The following MAMSTR variants were observed in gnomAD, a reference collection of about 807,000 sequenced individuals.
MAMSTR encodes MEF2 activating motif and SAP domain containing transcriptional regulator, also known as MEF2-activating motif and SAP domain-containing transcriptional regulator.
A neutral mutation model predicts 42.7 loss-of-function variants in MAMSTR; 41 were observed. The observed-to-expected ratio is 0.96, with a 90% confidence interval of 0.75 to 1.25. MAMSTR has a LOEUF of 1.25. Among genes scored for constraint, MAMSTR ranks in the 50% most tolerant of loss-of-function variants. The pLI, the probability that MAMSTR is intolerant of heterozygous loss-of-function variation, is 0.00. For missense variants in MAMSTR, 567 were observed against 557.6 expected (o/e 1.02, Z -0.17); for synonymous variants, 265 against 244.1 (o/e 1.09, Z -0.80).
downstream of MAMSTR, among the ~76,000 whole-genome samples, chr19:48,711,274 C>T (rs754013116): frequency 8.5e-5 from 13 of 152,114 alleles, no homozygotes; most frequent in Non-Finnish European, 1.8e-4. Flanking sequence ...CTAGTTATCC[C>T]GGGGGAGAGG....
chr19:48,713,993 G>A lies in MAMSTR; in HGVS notation c.776C>T (p.Thr259Ile). 2 of 1,612,230 alleles carry A rather than the reference G, an allele frequency of 1.2e-6. No homozygotes were observed. The highest frequency in any genetic ancestry group is 1.7e-6 in the Non-Finnish European group (2 of 1,179,364). Residue 259 changes from threonine (T) to isoleucine (I), a missense_variant, in exon 8 of 10, where the codon ACC becomes ATC. Thr to Ile is a moderately conservative substitution (Grantham distance 89, BLOSUM62 -1). Coordinates refer to ENST00000318083, the MANE Select transcript of MAMSTR (RefSeq NM_001130915.2). Reference sequence around the variant, plus strand: ...AGTTGGAGCCGGAGCCGTCCCCGGGGTATCCGCGGCACGTGGAAGAGGTGG... The same window carrying A: ...AGTTGGAGCCGGAGCCGTCCCCGGGATATCCGCGGCACGTGGAAGAGGTGG... ...HRPPLPRAAD[T>I]PGTAPAPTPT...
At position 48,714,044 on chromosome 19, in the gene MAMSTR, A is replaced by C. The variant is rs1601247853; in HGVS notation, c.725T>G (p.Val242Gly). 2.5e-6 allele frequency: 4 copies of C among 1,579,208 alleles called. No individual in the cohort carries two copies. Among genetic ancestry groups the C allele is most frequent in the Non-Finnish European group, 2.6e-6 (3 of 1,163,006 alleles). The change falls in exon 8 of 10, where the codon GTC (valine) becomes GGC (glycine). Residue 242 changes from valine (V) to glycine (G), a missense_variant and splice_region_variant. Val to Gly is a moderately radical substitution (Grantham distance 109). Transcript: ENST00000318083. ...CCTGTGAGATGCTGCGCTGGGCTTG[A>C]CCTAGAGCAGCCAAGAGGGCGAGCG... Reference protein sequence around the residue: ...ALAAARRQGSVKPSAASHRPP... With the variant: ...ALAAARRQGSGKPSAASHRPP...
chr19:48,716,034 CAG>C, intron 3 of MAMSTR: 2 of 1,106,766 alleles, frequency 1.8e-6, no homozygotes, highest in East Asian at 4.4e-5. Context: ...TTTGCTAGGA[CAG>C]GGGTGGGGCC....
At position 48,714,807 on chromosome 19, in the gene MAMSTR, G is replaced by A; in HGVS notation, c.527C>T (p.Thr176Met). 6.2e-7 allele frequency: 1 copy of A among 1,604,082 alleles called. No homozygotes were observed. Among genetic ancestry groups the A allele is most frequent in the Non-Finnish European group, 8.5e-7 (1 of 1,170,726 alleles). Residue 176 changes from threonine to methionine, a missense_variant and splice_region_variant, in exon 6 of 10, where the codon ACG (threonine) becomes ATG (methionine). Physicochemically the swap from Thr to Met is moderately conservative, Grantham distance 81. Coordinates refer to ENST00000318083, the MANE Select transcript of MAMSTR (RefSeq NM_001130915.2). Reference protein sequence around the residue: ...ELQTLKLEELTVSELRQQLRL... With the variant: ...ELQTLKLEELMVSELRQQLRL... The stretch of plus-strand genomic sequence containing the variant: ...TGGAAAGTTACACCCCAAACTCACC[G>A]TCAGCTCCTCCAGTTTAAGGGTCTG...
downstream of MAMSTR, among the ~76,000 whole-genome samples, chr19:48,707,879 G>GAAAGA (rs1568464041): frequency 1.8e-5 from 2 of 109,480 alleles, no homozygotes; most frequent in African/African-American, 7.8e-5. Context: ...AAGAAAGAAA[G>GAAAGA]AAAGAAAGAA....
downstream of MAMSTR, among the ~76,000 whole-genome samples, chr19:48,709,354 G>A (rs1274120779): frequency 6.6e-6 from 1 of 152,014 alleles, no homozygotes; most frequent in South Asian, 2.1e-4. Context: ...CTCCATGTTG[G>A]TCAGGCTGGT....
chr19:48,711,700 G>A (rs1435449556), downstream of MAMSTR, among the ~76,000 whole-genome samples: 5 of 142,658 alleles, frequency 3.5e-5, no homozygotes, highest in South Asian at 2.2e-4. Flanking sequence ...GGTCTCTCAC[G>A]TAGCTGGGAT....
chr19:48,707,631 C>T, the MAMSTR span, among the ~76,000 whole-genome samples: 1 of 151,332 alleles, frequency 6.6e-6, no homozygotes, highest in African/African-American at 2.4e-5. Flanking sequence ...ATCCCAGCTA[C>T]TCGGGAGGCT....
At position 48,714,375 on chromosome 19, in the gene MAMSTR, A is replaced by G. The variant is rs902641260; in HGVS notation, c.714T>C (p.Arg238=). 5.1e-6 allele frequency: 7 copies of G among 1,362,942 alleles called. No individual in the cohort carries two copies. The highest frequency in any genetic ancestry group is 7.3e-5 in the Admixed American group (2 of 27,248). The allele number at this position is 1,362,942 out of a possible 1,614,324, so 84.4% of individuals were successfully genotyped here. A position where few individuals can be genotyped will look rare whatever the true frequency, so the allele number is the denominator to read the frequency against. ...ATAGCCCCGCCCTCACCGAGCCCTGACGCCGGGCGGCTGCCAGGGCCTTGG... is the reference window on the plus strand; with the variant it reads ...ATAGCCCCGCCCTCACCGAGCCCTGGCGCCGGGCGGCTGCCAGGGCCTTGG... ...LKPKALAAAR[R]QGSVKPSAAS... Residue 238 remains arginine, a synonymous_variant, in exon 7 of 10, where the codon CGT becomes CGC. Transcript: ENST00000318083.
rs1018418402 is a variant in MAMSTR, at chr19:48,714,451, T to C, written c.638A>G (p.Lys213Arg). 6 of 1,359,730 alleles carry C rather than the reference T, an allele frequency of 4.4e-6. No individual in the cohort carries two copies. Among genetic ancestry groups the C allele is most frequent in the Non-Finnish European group, 5.6e-6 (6 of 1,067,436 alleles). 84.2% of individuals were successfully genotyped at this position (1,359,730 alleles called of 1,614,324 possible). Residue 213 changes from lysine to arginine, a missense_variant, in exon 7 of 10, where the codon AAG (lysine) becomes AGG (arginine). Transcript: ENST00000318083. ...CGCGGGACTGTCCTCGCGCCGCGGCTTCGGCCGCTCGCGGGGCGGCGCGCC... is the reference window on the plus strand; with the variant it reads ...CGCGGGACTGTCCTCGCGCCGCGGCCTCGGCCGCTCGCGGGGCGGCGCGCC... ...RGGAPPRERP[K>R]PRREDSPAGA...
Position 48,719,045 on chromosome 19 carries a change from A to T in MAMSTR, c.-14T>A, listed in dbSNP as rs973183356. On this transcript the variant is annotated 5_prime_UTR_variant, in exon 2 of 10. Coordinates refer to ENST00000318083, the MANE Select transcript of MAMSTR (RefSeq NM_001130915.2). This position sits in a 1 kb window ranked among gnomAD's most constrained non-coding sequence, Gnocchi z 4.4. ...CGCCAGGGTCATTGCCAAGGCCGGGATGGGGACCTGGACGGAGAGGGGGCA... is the reference window on the plus strand; with the variant it reads ...CGCCAGGGTCATTGCCAAGGCCGGGTTGGGGACCTGGACGGAGAGGGGGCA... 3.2e-6 allele frequency: 5 copies of T among 1,550,628 alleles called. No homozygotes were observed. In the African/African-American group the frequency reaches 4.1e-5, roughly 13 times the overall value.
In MAMSTR at chr19:48,715,346, G is replaced by A. The variant is rs774047970; in HGVS notation, c.341C>T (p.Ala114Val). The change falls in exon 5 of 10, where the codon GCG (alanine) becomes GTG (valine). Residue 114 changes from alanine to valine, a missense_variant. Transcript: ENST00000318083. The stretch of plus-strand genomic sequence containing the variant: ...GGCGGACCCCTCGGCTTGGGGGTCC[G>A]CCCTGGATCCCTGTCTCGGCTCTGG... ...MPPEPRQGSRADPQAEGSALG... is the reference protein window; with the variant it reads ...MPPEPRQGSRVDPQAEGSALG... The A allele has an allele frequency of 6.4e-7, 1 of 1,554,364 alleles. No individual in the cohort carries two copies. The highest frequency in any genetic ancestry group is 8.6e-7 in the Non-Finnish European group (1 of 1,158,344).
At chr19:48,717,080 G>T (rs2033072842) in intron 2 of MAMSTR, 1 of 743,246 alleles carries the variant, frequency 1.3e-6, no homozygotes, top group Non-Finnish European at 1.7e-6. Flanking sequence ...TGGCAGCCTG[G>T]CCCCTTTGCA....
Position 48,713,171 on chromosome 19 carries a change from G to T in MAMSTR, c.*96C>A. 8.2e-7 allele frequency: 1 copy of T among 1,217,084 alleles called. No individual in the cohort carries two copies. The highest frequency in any genetic ancestry group is 1.1e-6 in the Non-Finnish European group (1 of 895,822). 75.4% of individuals were successfully genotyped at this position (1,217,084 alleles called of 1,614,324 possible). A position where few individuals can be genotyped will look rare whatever the true frequency, so the allele number is the denominator to read the frequency against. On this transcript the variant is annotated 3_prime_UTR_variant, in exon 10 of 10. Transcript: ENST00000318083. ...GGAGGTTGTCTCCGATCCTGTGTCT[G>T]CGGTAGGAGGGGCTCTGCTGGTAGT... is the stretch of plus-strand genomic sequence containing the variant.
chr19:48,711,750 T>TG (rs2032730377), downstream of MAMSTR, among the ~76,000 whole-genome samples: 2 of 139,554 alleles, frequency 1.4e-5, no homozygotes, highest in Non-Finnish European at 3.1e-5. Flanking sequence ...TTTTTTTTTT[T>TG]TTTTTTTTTT....
chr19:48,713,428 A>G lies in MAMSTR; in HGVS notation c.1087T>C (p.Ser363Pro). The G allele has an allele frequency of 6.2e-7, 1 of 1,613,048 alleles. No individual in the cohort carries two copies. The highest frequency in any genetic ancestry group is 8.5e-7 in the Non-Finnish European group (1 of 1,179,690). Residue 363 changes from serine (S) to proline (P), a missense_variant, in exon 10 of 10, where the codon TCC becomes CCC. Ser to Pro is a moderately conservative substitution (Grantham distance 74). Coordinates refer to ENST00000318083, the MANE Select transcript of MAMSTR (RefSeq NM_001130915.2). ...SSLPSPTNSS[S>P]PSPRDPTDSL... ...TCCGTGGGGTCCCTGGGAGAAGGGGAGGAGGAGTTCGTGGGAGACGGGAGT... is the reference window on the plus strand; with the variant it reads ...TCCGTGGGGTCCCTGGGAGAAGGGGGGGAGGAGTTCGTGGGAGACGGGAGT...
chr19:48,714,706 CCGATCTCCT>C, intron 6 of MAMSTR, 91 bp downstream of exon 6: 1 of 1,274,752 alleles, frequency 7.8e-7, no homozygotes, highest in Non-Finnish European at 1.1e-6. Context: ...GACTGGGTAC[CCGATCTCCT>C]GGATTTCCAG....
rs56736082 is a variant in MAMSTR at position 48,718,825 on chromosome 19, G to A, written c.58+149C>T. 3.5e-3 allele frequency: 2,578 copies of A among 740,606 alleles called. 48 individuals are homozygous for A. In the African/African-American group the frequency reaches 0.037, roughly 11 times the overall value. The allele number at this position is 740,606 out of a possible 1,614,324, so 45.9% of individuals were successfully genotyped here. On this transcript the variant is annotated intron_variant, in intron 2 of 9. Transcript: ENST00000318083. ...GCACACTCGTTGATCCACCACAGCC[G>A]GACCCCTGTGCTTGGGCCTCCTTTA...
At chr19:48,716,627 A>G (rs2122345219) in intron 3 of MAMSTR, 78 bp downstream of exon 3, 1 of 1,290,648 alleles carries the variant, frequency 7.7e-7, no homozygotes, top group Non-Finnish European at 1.0e-6. Flanking sequence ...AATGAGGGGT[A>G]TCTGGCAGCT....
Sources: allele counts gnomAD v4.1 joint callset (sites outside exome capture counted in the v4.1 genomes callset), GRCh38; gene constraint gnomAD v4.1.1; non-coding constraint Gnocchi (gnomAD v3.1); transcripts MANE v1.5; gene names NCBI Gene and HGNC (gene_info 2026-07-23, HGNC 2026-07-21).